Variants in RALYL observed in about 807,000 individuals in gnomAD.
The protein encoded by RALYL is RALY RNA binding protein like, also known as RNA-binding Raly-like protein.
RALYL carries 29 observed loss-of-function variants against 35.1 expected under a neutral mutation model. That is an observed-to-expected ratio of 0.83 (90% CI 0.61 to 1.13). The LOEUF is 1.13. Ranked by LOEUF, RALYL falls within the 50% of genes most tolerant of loss-of-function variation. RALYL has a pLI of 0.00. For synonymous variants in RALYL, 120 were observed against 127.6 expected (o/e 0.94, Z 0.40); for missense variants, 359 against 360.4 (o/e 1.00, Z 0.03).
chr8:84,858,748 T>C (rs1837529571), intron 5 of RALYL, among the ~76,000 whole-genome samples: 1 of 152,204 alleles, frequency 6.6e-6, no homozygotes, highest in East Asian at 1.9e-4. Flanking sequence ...TACTTCCCTC[T>C]ATATTTTGAA....
At chr8:84,734,690 G>A (rs1346687244) in intron 2 of RALYL, among the ~76,000 whole-genome samples, 1 of 151,958 alleles carries the variant, frequency 6.6e-6, no homozygotes, top group East Asian at 1.9e-4. Flanking sequence ...CATCTTGGTT[G>A]TTCTAACTGA....
chr8:84,284,369 T>C (rs1284489720), intron 1 of RALYL, among the ~76,000 whole-genome samples: 2 of 152,174 alleles, frequency 1.3e-5, no homozygotes, highest in East Asian at 1.9e-4. Context: ...AAGTCATCTG[T>C]AGTTCAGCAT....
intron 1 of RALYL, among the ~76,000 whole-genome samples, chr8:84,492,976 G>A (rs143280334): frequency 3.9e-4 from 60 of 152,052 alleles, no homozygotes; most frequent in African/African-American, 1.0e-3. Flanking sequence ...ATACGTATAC[G>A]TGTACCATGG....
chr8:84,712,688 C>G (rs1191409363), intron 2 of RALYL, among the ~76,000 whole-genome samples: 1 of 152,176 alleles, frequency 6.6e-6, no homozygotes, highest in African/African-American at 2.4e-5. Flanking sequence ...GGCATTTACT[C>G]TGTCCCCAGG....
intron 4 of RALYL, among the ~76,000 whole-genome samples, chr8:84,842,124 G>T (rs1023796754): frequency 1.3e-5 from 2 of 152,232 alleles, no homozygotes; most frequent in Non-Finnish European, 2.9e-5. Context: ...GATCAGAGCA[G>T]AACTGAAGGA....
intron 1 of RALYL, among the ~76,000 whole-genome samples, chr8:84,430,195 A>T (rs1301150316): frequency 1.3e-5 from 2 of 152,080 alleles, no homozygotes; most frequent in Non-Finnish European, 2.9e-5. Flanking sequence ...CCTTTATTTT[A>T]TGGTGAGCAA....
At chr8:84,693,136 A>C (rs1838406154) in intron 2 of RALYL, among the ~76,000 whole-genome samples, 1 of 152,034 alleles carries the variant, frequency 6.6e-6, no homozygotes. Flanking sequence ...CATTTGATTC[A>C]TAAATATTTG....
intron 1 of RALYL, among the ~76,000 whole-genome samples, chr8:84,520,504 G>A (rs926487261): frequency 2.0e-5 from 3 of 152,008 alleles, no homozygotes; most frequent in African/African-American, 4.8e-5. Flanking sequence ...AATATTTTAT[G>A]TGATCTTAGT....
At chr8:84,248,215 A>C (rs528992993) in intron 1 of RALYL, among the ~76,000 whole-genome samples, 1 of 152,138 alleles carries the variant, frequency 6.6e-6, no homozygotes, top group African/African-American at 2.4e-5. Flanking sequence ...CCATCATGAG[A>C]TATCTCTTTA....
At chr8:84,238,318 A>C (rs1246185996) in intron 1 of RALYL, among the ~76,000 whole-genome samples, 2 of 152,112 alleles carry the variant, frequency 1.3e-5, no homozygotes, top group African/African-American at 4.8e-5. Flanking sequence ...TTTTGTTGTA[A>C]ATATTTTCAT....
intron 1 of RALYL, among the ~76,000 whole-genome samples, chr8:84,423,651 T>C (rs1336317613): frequency 6.6e-6 from 1 of 152,072 alleles, no homozygotes; most frequent in African/African-American, 2.4e-5. Flanking sequence ...GTCTCGATGG[T>C]CTTTACATTT....
intron 2 of RALYL, among the ~76,000 whole-genome samples, chr8:84,725,825 A>G (rs1844847761): frequency 6.6e-6 from 1 of 151,670 alleles, no homozygotes; most frequent in East Asian, 1.9e-4. Flanking sequence ...TTGACCAATG[A>G]CCCACATAAA....
At chr8:84,763,978 A>G (rs372585643) in intron 2 of RALYL, among the ~76,000 whole-genome samples, 24 of 149,264 alleles carry the variant, frequency 1.6e-4, no homozygotes, top group African/African-American at 5.7e-4. Flanking sequence ...GTGTTTTGAC[A>G]ATTAGCTAAT....
chr8:84,271,536 A>C (rs1298484174), intron 1 of RALYL, among the ~76,000 whole-genome samples: 1 of 151,502 alleles, frequency 6.6e-6, no homozygotes, highest in African/African-American at 2.4e-5. Context: ...TCTAGGTAAG[A>C]TAAATGAAAA....
At chr8:84,904,760 T>G (rs1172422447) in intron 8 of RALYL, among the ~76,000 whole-genome samples, 1 of 152,158 alleles carries the variant, frequency 6.6e-6, no homozygotes, top group Non-Finnish European at 1.5e-5. Flanking sequence ...AATGGCACTG[T>G]AACCATGGAA....
At chr8:84,463,860 A>G (rs1456380046) in intron 1 of RALYL, among the ~76,000 whole-genome samples, 1 of 152,154 alleles carries the variant, frequency 6.6e-6, no homozygotes, top group South Asian at 2.1e-4. Context: ...CATGGTGTAG[A>G]ACAATGCCAT....
chr8:84,411,710 T>C (rs2044121202), intron 1 of RALYL, among the ~76,000 whole-genome samples: 1 of 152,014 alleles, frequency 6.6e-6, no homozygotes, highest in South Asian at 2.1e-4. Context: ...GTTTCAACCA[T>C]TGATTATTTG....
At chr8:84,368,971 T>A (rs1244563480) in intron 1 of RALYL, among the ~76,000 whole-genome samples, 1 of 152,172 alleles carries the variant, frequency 6.6e-6, no homozygotes, top group Non-Finnish European at 1.5e-5. Flanking sequence ...CAGGTCAAGT[T>A]TTTCCATCGC....
chr8:84,693,310 A>C (rs1398317986), intron 2 of RALYL, among the ~76,000 whole-genome samples: 2 of 151,932 alleles, frequency 1.3e-5, no homozygotes, highest in African/African-American at 2.4e-5. Context: ...CACAAAACTT[A>C]CAATCATGCA....
Sources: gnomAD v4.1 joint callset for allele counts (sites outside exome capture counted in the v4.1 genomes callset) on GRCh38, gnomAD v4.1.1 for gene constraint, MANE v1.5 for transcripts, NCBI Gene and HGNC (gene_info 2026-07-23, HGNC 2026-07-21) for gene names.